CATSPERQ: variants seen among roughly 807,000 people sequenced by gnomAD.
CATSPERQ encodes catsper channel auxiliary subunit theta, also known as cation channel sperm-associated auxiliary subunit theta.
the CATSPERQ span, chr8:144,354,552 C>G: frequency 3.2e-6 from 3 of 932,924 alleles, no homozygotes; most frequent in Non-Finnish European, 4.7e-6. This position sits in a 1 kb window ranked among gnomAD's most constrained non-coding sequence, Gnocchi z 4.6. Context: ...GGGCCCGTCT[C>G]CCTCCTCCCC....
At chr8:144,354,720 C>G in the CATSPERQ span, 1 of 1,535,644 alleles carries the variant, frequency 6.5e-7, no homozygotes, top group Middle Eastern at 1.7e-4. The surrounding 1 kb of genome is among the most constrained non-coding windows in gnomAD (Gnocchi z 4.6). Flanking sequence ...GCTGGAAGCG[C>G]CAGCCGATGG....
the CATSPERQ span, chr8:144,353,364 G>C: frequency 1.3e-6 from 2 of 1,534,380 alleles, no homozygotes; most frequent in Non-Finnish European, 1.7e-6. Flanking sequence ...CTCCAGGCTG[G>C]ACTGAGAGGA....
chr8:144,354,593 C>A, the CATSPERQ span: 3 of 1,441,340 alleles, frequency 2.1e-6, no homozygotes, highest in African/African-American at 1.4e-5. The surrounding 1 kb of genome is among the most constrained non-coding windows in gnomAD (Gnocchi z 4.6). Context: ...CGCCCCGCCC[C>A]GCCCCGCCCA....
the CATSPERQ span, chr8:144,353,652 G>A: frequency 8.9e-6 from 13 of 1,459,252 alleles, no homozygotes; most frequent in South Asian, 3.7e-5. Flanking sequence ...CCCTCTCCAC[G>A]GCCCCCAGCA....
the CATSPERQ span, chr8:144,353,947 C>T: frequency 1.3e-6 from 2 of 1,530,662 alleles, no homozygotes; most frequent in South Asian, 1.2e-5. Flanking sequence ...CCCTCCCGGC[C>T]CGTTACCATC....
the CATSPERQ span, chr8:144,353,925 G>A: frequency 6.5e-7 from 1 of 1,528,220 alleles, no homozygotes; most frequent in South Asian, 1.2e-5. Flanking sequence ...CTGCCTCCCC[G>A]TCCCTGGCGC....
At chr8:144,353,539 G>C in the CATSPERQ span, 3 of 1,529,328 alleles carry the variant, frequency 2.0e-6, no homozygotes, top group Non-Finnish European at 2.6e-6. Context: ...TGTGGGAGCA[G>C]GTGGCGCTCA....
the CATSPERQ span, chr8:144,353,429 T>G: frequency 1.5e-5 from 23 of 1,535,614 alleles, no homozygotes; most frequent in Non-Finnish European, 1.8e-5. Context: ...CGCCAGGGGG[T>G]GGCCAGTGGC....
At chr8:144,354,498 C>G in the CATSPERQ span, 2 of 1,379,156 alleles carry the variant, frequency 1.5e-6, no homozygotes, top group Admixed American at 2.8e-5. The surrounding 1 kb of genome is among the most constrained non-coding windows in gnomAD (Gnocchi z 4.6). Context: ...ACCCAGGGCC[C>G]TGGCCCTGCC....
At chr8:144,354,574 T>TGCCCCCCCCCCCC in the CATSPERQ span, 2 of 322,954 alleles carry the variant, frequency 6.2e-6, no homozygotes, top group African/African-American at 3.5e-5. This position sits in a 1 kb window ranked among gnomAD's most constrained non-coding sequence, Gnocchi z 4.6. Context: ...GCCCCGCCCT[T>TGCCCCCCCCCCCC]CCCAGCCCCG....
At chr8:144,354,379 G>A in the CATSPERQ span, 9 of 1,508,810 alleles carry the variant, frequency 6.0e-6, no homozygotes, top group South Asian at 3.6e-5. This position sits in a 1 kb window ranked among gnomAD's most constrained non-coding sequence, Gnocchi z 4.6. Flanking sequence ...GCCCGCAGCC[G>A]GGGGTGGCGG....
chr8:144,354,671 C>A, the CATSPERQ span: 1 of 1,535,228 alleles, frequency 6.5e-7, no homozygotes, highest in South Asian at 1.2e-5. The surrounding 1 kb of genome is among the most constrained non-coding windows in gnomAD (Gnocchi z 4.6). Context: ...AGGCGTCTGG[C>A]CAGGTGGCGC....
At chr8:144,353,740 C>T in the CATSPERQ span, 37 of 1,533,160 alleles carry the variant, frequency 2.4e-5, no homozygotes, top group East Asian at 4.9e-4. Context: ...TCGGTGTCAT[C>T]GTGTCCTGAG....
At chr8:144,354,574 T>TGCCCCCCCCC in the CATSPERQ span, 5 of 322,930 alleles carry the variant, frequency 1.5e-5, no homozygotes, top group East Asian at 8.2e-5. This position sits in a 1 kb window ranked among gnomAD's most constrained non-coding sequence, Gnocchi z 4.6. Flanking sequence ...GCCCCGCCCT[T>TGCCCCCCCCC]CCCAGCCCCG....
chr8:144,353,516 G>A, the CATSPERQ span: 1 of 1,534,652 alleles, frequency 6.5e-7, no homozygotes. Context: ...AACGGCCCAA[G>A]TATTCCATTT....
At chr8:144,353,518 A>G in the CATSPERQ span, 4 of 1,534,096 alleles carry the variant, frequency 2.6e-6, no homozygotes, top group South Asian at 2.4e-5. Flanking sequence ...CGGCCCAAGT[A>G]TTCCATTTGC....
the CATSPERQ span, chr8:144,354,128 C>G: frequency 3.9e-6 from 6 of 1,534,830 alleles, no homozygotes; most frequent in Non-Finnish European, 5.2e-6. The surrounding 1 kb of genome is among the most constrained non-coding windows in gnomAD (Gnocchi z 4.6). Flanking sequence ...ACGAGGAAGA[C>G]CCAGGTCTCT....
chr8:144,353,629 C>G, the CATSPERQ span: 1 of 1,460,296 alleles, frequency 6.8e-7, no homozygotes, highest in Non-Finnish European at 9.2e-7. Flanking sequence ...CCGTCCTGCC[C>G]GAAGCCCCGG....
At chr8:144,354,400 TG>T in the CATSPERQ span, 1 of 1,475,758 alleles carries the variant, frequency 6.8e-7, no homozygotes, top group South Asian at 1.2e-5. The surrounding 1 kb of genome is among the most constrained non-coding windows in gnomAD (Gnocchi z 4.6). Flanking sequence ...TGCCAAGGCT[TG>T]GCCCGGACTA....
Sources: gnomAD v4.1 joint callset for allele counts on GRCh38, gnomAD v4.1.1 for gene constraint, Gnocchi (gnomAD v3.1) non-coding constraint, MANE v1.5 for transcripts, NCBI Gene and HGNC (gene_info 2026-07-23, HGNC 2026-07-21) for gene names.